The following ACOT7 variants were observed in gnomAD, a reference collection of about 807,000 sequenced individuals.
ACOT7 encodes the protein acyl-CoA thioesterase 7, also known as cytosolic acyl coenzyme A thioester hydrolase.
ACOT7 carries 12 observed loss-of-function variants against 40.2 expected under a neutral mutation model. The ratio of observed to expected loss-of-function variants is 0.30; its 90% CI spans 0.19 to 0.48. ACOT7 has a LOEUF of 0.48. Among genes scored for constraint, ACOT7 ranks in the 20% least tolerant of loss-of-function variants. ACOT7 has a pLI of 0.99. For missense variants in ACOT7, 395 were observed against 530.8 expected, an observed-to-expected ratio of 0.74 and a Z score of 2.51; for synonymous variants, 228 against 219.5, an observed-to-expected ratio of 1.04 and a Z score of -0.34.
At chr1:6,328,655 C>G (rs1258357564) in intron 4 of ACOT7, among the ~76,000 whole-genome samples, 2 of 152,092 alleles carry the variant, frequency 1.3e-5, no homozygotes, top group African/African-American at 4.8e-5. Context: ...GCACTCCAGC[C>G]TGGGCGACAG....
chr1:6,370,527 T>G (rs1642110812), intron 1 of ACOT7, among the ~76,000 whole-genome samples: 1 of 150,488 alleles, frequency 6.6e-6, no homozygotes, highest in Non-Finnish European at 1.5e-5. Context: ...TCTCGTTCTG[T>G]CACCTGGCCT....
chr1:6,296,941 G>A (rs560596964), intron 6 of ACOT7, among the ~76,000 whole-genome samples: 4 of 152,236 alleles, frequency 2.6e-5, no homozygotes, highest in Non-Finnish European at 5.9e-5. Context: ...ATTGCCAATA[G>A]TCAACAATAT....
intron 1 of ACOT7, among the ~76,000 whole-genome samples, chr1:6,378,201 G>A (rs768871236): frequency 1.4e-5 from 2 of 147,158 alleles, no homozygotes; most frequent in Non-Finnish European, 3.1e-5. Flanking sequence ...AGTGGCTCAA[G>A]GTAAGACTGG....
At chr1:6,298,234 A>C (rs1571282326) in intron 6 of ACOT7, among the ~76,000 whole-genome samples, 1 of 152,280 alleles carries the variant, frequency 6.6e-6, no homozygotes, top group African/African-American at 2.4e-5. Context: ...TCCCGGGTTC[A>C]AGCGATTCTC....
intron 8 of ACOT7, among the ~76,000 whole-genome samples, chr1:6,276,497 C>G (rs3789508): frequency 6.6e-6 from 1 of 151,524 alleles, no homozygotes. Context: ...TTCATGGAGA[C>G]GCAACTCCAA....
chr1:6,307,642 G>A (rs951682002), intron 6 of ACOT7, among the ~76,000 whole-genome samples: 1 of 152,228 alleles, frequency 6.6e-6, no homozygotes, highest in East Asian at 1.9e-4. Context: ...CAGGCGGAGG[G>A]AAGAGCAACC....
chr1:6,315,675 C>G (rs999727901), intron 6 of ACOT7, among the ~76,000 whole-genome samples: 1 of 145,674 alleles, frequency 6.9e-6, no homozygotes, highest in South Asian at 2.2e-4. Flanking sequence ...GGTGTGAACC[C>G]GGGAGGCAGA....
intron 6 of ACOT7, among the ~76,000 whole-genome samples, chr1:6,297,332 C>G (rs1395647042): frequency 1.3e-5 from 2 of 152,096 alleles, no homozygotes; most frequent in African/African-American, 4.8e-5. Flanking sequence ...GCCACTGCAC[C>G]CAGCCAAGGA....
At position 6,318,398 on chromosome 1, in the gene ACOT7, G is replaced by A. The variant is rs568530499; in HGVS notation, c.712+94C>T. On this transcript the variant is annotated intron_variant, in intron 6 of 8. Transcript: ENST00000361521. ...GAAGTTTGTACTTCACCAAACACAA[G>A]AGCCTCAAGTGTGTCAGACAGCAGC... is the stretch of plus-strand genomic sequence containing the variant. 6.4e-4 allele frequency: 870 copies of A among 1,352,568 alleles called. 9 individuals carry two copies. In the South Asian group the frequency reaches 1.0e-2, roughly 15 times the overall value. The allele number at this position is 1,352,568 out of a possible 1,614,324, so 83.8% of individuals were successfully genotyped here.
chr1:6,345,675 C>T (rs1641400333), intron 2 of ACOT7, among the ~76,000 whole-genome samples: 1 of 152,236 alleles, frequency 6.6e-6, no homozygotes, highest in Admixed American at 6.5e-5. Context: ...GTCTCATCAC[C>T]ATGCCCAGCC....
At chr1:6,268,042 C>CAT (rs758538710) in intron 8 of ACOT7, among the ~76,000 whole-genome samples, 62 of 152,348 alleles carry the variant, frequency 4.1e-4, no homozygotes, top group Non-Finnish European at 7.5e-4. Context: ...CCAGGAGAGA[C>CAT]ATATACACAG....
Position 6,294,027 on chromosome 1 carries a change from C to T in ACOT7, c.829+837G>A, listed in dbSNP as rs1485568351. ...CAAGCTTGCACTTCTTCCACTCTCG[C>T]TTCCCACGACAAGGGGCTGGTCTCA... On this transcript the variant is annotated intron_variant, in intron 7 of 8. Coordinates refer to ENST00000361521, the MANE Select transcript of ACOT7 (RefSeq NM_007274.4). This position sits in a 1 kb window ranked among gnomAD's most constrained non-coding sequence, Gnocchi z 4.6. 6.6e-6 allele frequency among the ~76,000 whole-genome samples: 1 copy of T among 152,230 alleles called. No homozygotes were observed. The highest frequency in any genetic ancestry group is 1.5e-5 in the Non-Finnish European group (1 of 68,046).
At chr1:6,337,702 C>G (rs926768345) in intron 3 of ACOT7, among the ~76,000 whole-genome samples, 1 of 152,110 alleles carries the variant, frequency 6.6e-6, no homozygotes, top group Non-Finnish European at 1.5e-5. Context: ...CGGCTGGGCT[C>G]GGTGGCTCAT....
chr1:6,304,024 C>A (rs1239931651), intron 6 of ACOT7, among the ~76,000 whole-genome samples: 1 of 152,138 alleles, frequency 6.6e-6, no homozygotes, highest in Non-Finnish European at 1.5e-5. Flanking sequence ...GCCATGGAGG[C>A]CCCAGCAAGA....
chr1:6,308,605 A>G (rs1375821207), intron 6 of ACOT7, among the ~76,000 whole-genome samples: 1 of 151,604 alleles, frequency 6.6e-6, no homozygotes. Flanking sequence ...AGGGAACTAC[A>G]ACCGGGCAGA....
rs1640167173 is a variant in ACOT7 at position 6,306,730 on chromosome 1, T to C, written c.713-11750A>G. The C allele has an allele frequency of 8.1e-7, 1 of 1,239,768 alleles. No homozygotes were observed. The allele number at this position is 1,239,768 out of a possible 1,614,324, so 76.8% of individuals were successfully genotyped here. A position where few individuals can be genotyped will look rare whatever the true frequency, so the allele number is the denominator to read the frequency against. On this transcript the variant is annotated intron_variant, in intron 6 of 8. Coordinates refer to ENST00000361521, the MANE Select transcript of ACOT7 (RefSeq NM_007274.4). The surrounding 1 kb of genome is among the most constrained non-coding windows in gnomAD (Gnocchi z 4.3). ...AAGTTCCTCAAGAGTAGGGAACAGCTCTTCGTCCACCTTTTTCCTTCCTTG... is the reference window on the plus strand; with the variant it reads ...AAGTTCCTCAAGAGTAGGGAACAGCCCTTCGTCCACCTTTTTCCTTCCTTG...
rs373932607 is a variant in ACOT7, at chr1:6,327,293, T to C, written c.625+6A>G. On this transcript the variant is annotated splice_donor_region_variant and intron_variant, in intron 5 of 8. Transcript: ENST00000361521. ...GGCACCTGCTGCTGGTGTCCGCGGC[T>C]CTTACCTGGGTTGAGGACTGGCTGG... The C allele has an allele frequency of 6.8e-6, 11 of 1,613,966 alleles. No individual in the cohort carries two copies. The highest frequency in any genetic ancestry group is 9.3e-6 in the Non-Finnish European group (11 of 1,179,982).
intron 8 of ACOT7, among the ~76,000 whole-genome samples, chr1:6,265,288 C>T (rs1012415761): frequency 2.1e-5 from 3 of 143,030 alleles, no homozygotes; most frequent in South Asian, 4.5e-4. Context: ...ACACGGTCAC[C>T]GCCCCGGAGA....
rs1641840217 is a variant in ACOT7, at chr1:6,359,527, A to C, written c.144-9661T>G. Among the ~76,000 whole-genome samples, 1 of 143,986 alleles carries C rather than the reference A, an allele frequency of 6.9e-6. No homozygotes were observed. The highest frequency in any genetic ancestry group is 2.6e-5 in the African/African-American group (1 of 38,414). 94.5% of individuals were successfully genotyped at this position (143,986 alleles called of 152,430 possible). A position where few individuals can be genotyped will look rare whatever the true frequency, so the allele number is the denominator to read the frequency against. The stretch of plus-strand genomic sequence containing the variant: ...GCCTGTCTTGGGGCTCAGCAACTCC[A>C]CTACCCTTCCTCCACTCCCGCGGGC... On this transcript the variant is annotated intron_variant, in intron 1 of 8. Transcript: ENST00000361521. The surrounding 1 kb of genome is among the most constrained non-coding windows in gnomAD (Gnocchi z 4.1).
Sources: gnomAD v4.1 joint callset for allele counts (sites outside exome capture counted in the v4.1 genomes callset) on GRCh38, gnomAD v4.1.1 for gene constraint, Gnocchi (gnomAD v3.1) non-coding constraint, MANE v1.5 for transcripts, NCBI Gene and HGNC (gene_info 2026-07-23, HGNC 2026-07-21) for gene names.